The following ABCC1 variants were observed in gnomAD, a reference collection of about 807,000 sequenced individuals.
ABCC1 encodes the protein multidrug resistance-associated protein 1.
A neutral mutation model predicts 172.9 loss-of-function variants in ABCC1; 83 were observed. That is an observed-to-expected ratio of 0.48 (90% confidence interval 0.40 to 0.58). ABCC1 has a LOEUF of 0.58. ABCC1 is among the 20% of genes least tolerant of loss of function. ABCC1 has a pLI of 0.00. For missense variants in ABCC1, 1,817 were observed against 2,002.7 expected (o/e 0.91, Z 1.77); for synonymous variants, 937 against 825.2 (o/e 1.14, Z -2.32).
At chr16:16,125,986 C>A in intron 26 of ABCC1, 75 bp downstream of exon 26, 1 of 1,045,110 alleles carries the variant, frequency 9.6e-7, no homozygotes, top group Non-Finnish European at 1.4e-6. Flanking sequence ...GGACCCTATC[C>A]TGTGCACCTC....
chr16:16,097,037 A>T (rs1157263030), intron 19 of ABCC1, among the ~76,000 whole-genome samples: 2 of 152,092 alleles, frequency 1.3e-5, no homozygotes, highest in African/African-American at 4.8e-5. Context: ...GCCTGGAGTA[A>T]ATTATGGATC....
intron 19 of ABCC1, among the ~76,000 whole-genome samples, chr16:16,096,237 C>A (rs8058379): frequency 0.29 from 42,546 of 148,930 alleles, 6,115 homozygotes; most frequent in East Asian, 0.37. Flanking sequence ...AAAAAAAAAA[C>A]AAAAAAACAA....
rs138328260 is a variant in ABCC1, at chr16:15,989,307, C to T, written c.49-18509C>T. Among the ~76,000 whole-genome samples the T allele has an allele frequency of 3.2e-3, 484 of 152,204 alleles. 3 individuals carry two copies. Among genetic ancestry groups the T allele is most frequent in the African/African-American group, 0.011 (464 of 41,552 alleles). On this transcript the variant is annotated intron_variant, in intron 1 of 30. Transcript: ENST00000399410. ...GCCCAGCCAACAGCATGCCAGGGCGCGTCACTGCCCACGCGATGCTGGCTT... is the reference window on the plus strand; with the variant it reads ...GCCCAGCCAACAGCATGCCAGGGCGTGTCACTGCCCACGCGATGCTGGCTT...
At chr16:16,141,071 G>C in intron 30 of ABCC1, 102 bp from the exon 31 acceptor site, 1 of 948,000 alleles carries the variant, frequency 1.1e-6, no homozygotes, top group African/African-American at 1.6e-5. Context: ...AAAAGTGTTA[G>C]GGGCCTGACC....
rs45456095 is a variant in ABCC1, at chr16:16,033,521, C to A, written c.677+351C>A. Among the ~76,000 whole-genome samples the A allele has an allele frequency of 1.1e-4, 16 of 152,222 alleles. No homozygotes were observed. In the South Asian group the frequency reaches 2.9e-3, roughly 28 times the overall value. On this transcript the variant is annotated intron_variant, in intron 6 of 30. Coordinates refer to ENST00000399410, the MANE Select transcript of ABCC1 (RefSeq NM_004996.4). ...GACATTGTCCCCCTCCTGTCCCCCA[C>A]GCCTTAGAAAAATAATACTGTCTCA...
chr16:16,050,459 A>G (rs994562662), intron 10 of ABCC1, among the ~76,000 whole-genome samples: 1 of 151,716 alleles, frequency 6.6e-6, no homozygotes, highest in African/African-American at 2.4e-5. Context: ...ACTCTGTCTC[A>G]AAAAAAAGAA....
In ABCC1 at chr16:16,071,633, T is replaced by G. The variant is rs758429992; in HGVS notation, c.1825-9T>G. 45 of 1,613,074 alleles carry G rather than the reference T, an allele frequency of 2.8e-5. No homozygotes were observed. The highest frequency in any genetic ancestry group is 3.7e-5 in the Non-Finnish European group (44 of 1,179,414). On this transcript the variant is annotated splice_polypyrimidine_tract_variant and intron_variant, in intron 13 of 30. Coordinates refer to ENST00000399410, the MANE Select transcript of ABCC1 (RefSeq NM_004996.4). ...AAATAACTCTCCCCTGCCATTGCTC[T>G]CTGTACAGGCGAGTGTCTCCCTCAA... is the stretch of plus-strand genomic sequence containing the variant.
chr16:16,101,189 G>A (rs953581514), intron 19 of ABCC1, among the ~76,000 whole-genome samples: 5 of 151,952 alleles, frequency 3.3e-5, no homozygotes, highest in South Asian at 2.1e-4. Context: ...GCACCACCAC[G>A]CCCAGCTAAT....
chr16:16,013,752 G>T (rs1358146858), intron 3 of ABCC1, among the ~76,000 whole-genome samples: 1 of 152,176 alleles, frequency 6.6e-6, no homozygotes, highest in Non-Finnish European at 1.5e-5. Flanking sequence ...TTCTCTGAGG[G>T]AGGGATGGTG....
At chr16:16,014,826 TC>T (rs2151756622) in intron 4 of ABCC1, among the ~76,000 whole-genome samples, 198 bp downstream of exon 4, 1 of 152,192 alleles carries the variant, frequency 6.6e-6, no homozygotes, top group South Asian at 2.1e-4. Context: ...TTCTAGCACC[TC>T]CTTTCCCCAG....
chr16:16,100,629 A>C (rs879289999), intron 19 of ABCC1, among the ~76,000 whole-genome samples: 2 of 152,246 alleles, frequency 1.3e-5, no homozygotes, highest in African/African-American at 2.4e-5. Context: ...ATTAAAGGGA[A>C]TGTTTAAAGC....
At chr16:16,120,059 G>A (rs1282499214) in intron 23 of ABCC1, among the ~76,000 whole-genome samples, 1 of 152,116 alleles carries the variant, frequency 6.6e-6, no homozygotes, top group Non-Finnish European at 1.5e-5. Context: ...GGCCCCAGAA[G>A]ACTCTCCATC....
At chr16:16,113,310 G>C (rs2044702658) in intron 22 of ABCC1, among the ~76,000 whole-genome samples, 1 of 152,184 alleles carries the variant, frequency 6.6e-6, no homozygotes, top group African/African-American at 2.4e-5. Context: ...GAGCTGTGCT[G>C]TCTGGTGCGG....
At chr16:15,985,013 G>A (rs2046712155) in intron 1 of ABCC1, among the ~76,000 whole-genome samples, 3 of 152,122 alleles carry the variant, frequency 2.0e-5, no homozygotes, top group Admixed American at 2.0e-4. Flanking sequence ...TGAGGTGGGA[G>A]GATTGCTTGA....
chr16:16,141,097 C>T, intron 30 of ABCC1, 76 bp from the exon 31 acceptor site: 1 of 1,317,276 alleles, frequency 7.6e-7, no homozygotes, highest in Non-Finnish European at 1.1e-6. Flanking sequence ...CAGTGACTTG[C>T]CCAGGTCAGT....
At chr16:16,125,033 G>C (rs905701472) in intron 25 of ABCC1, 118 bp downstream of exon 25, 1 of 1,469,244 alleles carries the variant, frequency 6.8e-7, no homozygotes, top group African/African-American at 1.4e-5. Flanking sequence ...GAGGTACGGA[G>C]TTTGAGGAGC....
intron 5 of ABCC1, among the ~76,000 whole-genome samples, chr16:16,022,734 T>G (rs2048235699): frequency 6.6e-6 from 1 of 152,152 alleles, no homozygotes; most frequent in African/African-American, 2.4e-5. Flanking sequence ...ATGTAATATT[T>G]TCCCCCCAGC....
intron 1 of ABCC1, among the ~76,000 whole-genome samples, chr16:16,006,780 A>G (rs543925648): frequency 1.5e-3 from 220 of 151,642 alleles, no homozygotes; most frequent in African/African-American, 4.9e-3. Context: ...ATGAAAGGAG[A>G]TAATACACAT....
intron 3 of ABCC1, 88 bp from the exon 4 acceptor site, chr16:16,014,403 C>T (rs913311658): frequency 8.9e-6 from 13 of 1,460,192 alleles, no homozygotes; most frequent in African/African-American, 4.2e-5. Context: ...GCTGAGATTG[C>T]ACCACTGCGC....
Sources: gnomAD v4.1 joint callset for allele counts (sites outside exome capture counted in the v4.1 genomes callset) on GRCh38, gnomAD v4.1.1 for gene constraint, MANE v1.5 for transcripts, NCBI Gene and HGNC (gene_info 2026-07-23, HGNC 2026-07-21) for gene names.